The following CLN6 variants were observed in gnomAD, a reference collection of about 807,000 sequenced individuals.
CLN6 encodes the protein ceroid-lipofuscinosis neuronal protein 6.
CLN6 carries 22 observed loss-of-function variants against 33.3 expected under a neutral mutation model. The observed-to-expected ratio is 0.66, with a 90% CI of 0.47 to 0.94. CLN6 has a LOEUF of 0.94. Ranked by LOEUF, CLN6 falls within the 40% of genes least tolerant of loss-of-function variation. The pLI is 0.00. For synonymous variants in CLN6, 201 were observed against 174.6 expected (o/e 1.15, Z -1.19); for missense variants, 387 against 417.1 (o/e 0.93, Z 0.63).
chr15:68,208,889 A>C lies in CLN6; in HGVS notation c.666-479T>G, dbSNP rs554658149. Among the ~76,000 whole-genome samples, 1 of 152,340 alleles carries C rather than the reference A, an allele frequency of 6.6e-6. No individual in the cohort carries two copies. The highest frequency in any genetic ancestry group is 1.9e-4 in the East Asian group (1 of 5,172). The stretch of plus-strand genomic sequence containing the variant: ...CAGATGAGCCCCAGTGGGCCATCTC[A>C]GCCACATAGGGGACAGGCCGGGGAG... On this transcript the variant is annotated intron_variant, in intron 6 of 6. Coordinates refer to ENST00000249806, the MANE Select transcript of CLN6 (RefSeq NM_017882.3). This position sits in a 1 kb window ranked among gnomAD's most constrained non-coding sequence, Gnocchi z 5.8.
Position 68,209,838 on chromosome 15 carries a change from G to T in CLN6, c.543-79C>A, listed in dbSNP as rs1389540787. On this transcript the variant is annotated intron_variant, in intron 5 of 6. Coordinates refer to ENST00000249806, the MANE Select transcript of CLN6 (RefSeq NM_017882.3). This position sits in a 1 kb window ranked among gnomAD's most constrained non-coding sequence, Gnocchi z 4.9. Reference sequence around the variant, plus strand: ...CAACCTCTGCAACCACTCCCATGGGGTCTCATGGAGTGCCACGTCACAGTT... The same window carrying T: ...CAACCTCTGCAACCACTCCCATGGGTTCTCATGGAGTGCCACGTCACAGTT... The T allele has an allele frequency of 1.3e-6, 2 of 1,570,132 alleles. No homozygotes were observed. Among genetic ancestry groups the T allele is most frequent in the African/African-American group, 1.3e-5 (1 of 74,102 alleles).
intron 1 of CLN6, among the ~76,000 whole-genome samples, chr15:68,245,641 C>T (rs1325218010): frequency 6.6e-6 from 1 of 152,008 alleles, no homozygotes; most frequent in Non-Finnish European, 1.5e-5. Flanking sequence ...CCTTACTTAT[C>T]AATAATACAC....
upstream of CLN6, among the ~76,000 whole-genome samples, chr15:68,234,202 G>A (rs1892193421): frequency 6.6e-6 from 1 of 152,216 alleles, no homozygotes; most frequent in South Asian, 2.1e-4. The surrounding 1 kb of genome is among the most constrained non-coding windows in gnomAD (Gnocchi z 4.1). Flanking sequence ...TCTCCCTGCA[G>A]ACTGGCTTTC....
Position 68,246,472 on chromosome 15 carries a change from G to A in CLN6, c.179+10218C>T, listed in dbSNP as rs1446484389. ...AACAACTTACTCCTGAACAACCAAT[G>A]GGTCAATGAAGAAATTAAAAAGAAA... On this transcript the variant is annotated intron_variant, in intron 1 of 6. Coordinates refer to the CLN6 transcript ENST00000538696. The surrounding 1 kb of genome is among the most constrained non-coding windows in gnomAD (Gnocchi z 4.5). Among the ~76,000 whole-genome samples, 2 of 151,814 alleles carry A rather than the reference G, an allele frequency of 1.3e-5. No individual in the cohort carries two copies. Among genetic ancestry groups the A allele is most frequent in the African/African-American group, 4.8e-5 (2 of 41,270 alleles).
chr15:68,245,902 G>T (rs1418267397), intron 1 of CLN6, among the ~76,000 whole-genome samples: 2 of 151,990 alleles, frequency 1.3e-5, no homozygotes, highest in African/African-American at 2.4e-5. Flanking sequence ...AACCAAAAAA[G>T]AACAAGATTA....
Position 68,209,617 on chromosome 15 carries a change from C to T in CLN6, c.665+20G>A. 6.2e-7 allele frequency: 1 copy of T among 1,611,526 alleles called. No homozygotes were observed. Among genetic ancestry groups the T allele is most frequent in the South Asian group, 1.1e-5 (1 of 90,968 alleles). ...TCTCTCAGTGCCCCTGCCTCTGCCCCCATGCTGATGTCCACTCACCAGTAG... is the reference window on the plus strand; with the variant it reads ...TCTCTCAGTGCCCCTGCCTCTGCCCTCATGCTGATGTCCACTCACCAGTAG... On this transcript the variant is annotated intron_variant, in intron 6 of 6. Coordinates refer to ENST00000249806, the MANE Select transcript of CLN6 (RefSeq NM_017882.3). This position sits in a 1 kb window ranked among gnomAD's most constrained non-coding sequence, Gnocchi z 4.9.
chr15:68,227,036 CT>C lies in CLN6; in HGVS notation c.83+2465del, dbSNP rs922791164. Among the ~76,000 whole-genome samples, 1 of 150,332 alleles carries C rather than the reference CT, an allele frequency of 6.7e-6. No individual in the cohort carries two copies. Among genetic ancestry groups the C allele is most frequent in the South Asian group, 2.1e-4 (1 of 4,788 alleles). On this transcript the variant is annotated intron_variant, in intron 1 of 6. Transcript: ENST00000249806. This position sits in a 1 kb window ranked among gnomAD's most constrained non-coding sequence, Gnocchi z 4.1. Reference sequence around the variant, plus strand: ...TAATTATAATACTTTCTTTTCTTTTCTTTTTTTACTTTTTTTTTTTTTTGAG... The same window carrying C: ...TAATTATAATACTTTCTTTTCTTTTCTTTTTTACTTTTTTTTTTTTTTGAG...
chr15:68,224,961 T>G (rs2093247920), intron 1 of CLN6, among the ~76,000 whole-genome samples: 1 of 148,776 alleles, frequency 6.7e-6, no homozygotes, highest in Non-Finnish European at 1.5e-5. Flanking sequence ...AGTTGAGGAG[T>G]GCATGCCATA....
At chr15:68,235,781 C>G (rs1344351601) in intron 1 of CLN6, among the ~76,000 whole-genome samples, 3 of 152,046 alleles carry the variant, frequency 2.0e-5, no homozygotes, top group Non-Finnish European at 2.9e-5. Context: ...TACTCTCCTG[C>G]TTAGGTCCTT....
chr15:68,220,495 C>G lies in CLN6; in HGVS notation c.84-1845G>C, dbSNP rs1480282480. Reference sequence around the variant, plus strand: ...TGGCCCAGTGGGACTTTTCCAACTGCAGGTGAGGAAAAGAGCTCCTTCCTT... The same window carrying G: ...TGGCCCAGTGGGACTTTTCCAACTGGAGGTGAGGAAAAGAGCTCCTTCCTT... On this transcript the variant is annotated intron_variant, in intron 1 of 6. Transcript: ENST00000249806. The surrounding 1 kb of genome is among the most constrained non-coding windows in gnomAD (Gnocchi z 4.2). Among the ~76,000 whole-genome samples, 3 of 152,204 alleles carry G rather than the reference C, an allele frequency of 2.0e-5. No individual in the cohort carries two copies. Among genetic ancestry groups the G allele is most frequent in the Non-Finnish European group, 4.4e-5 (3 of 68,028 alleles).
intron 3 of CLN6, chr15:68,212,069 C>T (rs2093207545): frequency 1.7e-6 from 1 of 598,434 alleles, no homozygotes; most frequent in South Asian, 2.0e-5. Context: ...TGGAGCAGCA[C>T]CCCCCGCTGA....
Position 68,256,843 on chromosome 15 carries a change from C to A in CLN6, c.26G>T (p.Arg9Leu). 1.4e-6 allele frequency: 1 copy of A among 697,334 alleles called. No individual in the cohort carries two copies. The highest frequency in any genetic ancestry group is 2.6e-6 in the Non-Finnish European group (1 of 382,250). 43.2% of individuals were successfully genotyped at this position (697,334 alleles called of 1,614,324 possible). Reference sequence around the variant, plus strand: ...TGGCCGGGGCCTGCCTCTCGCTCGCCGCTCCTTCCCGGCAACGGCTGCCAT... The same window carrying A: ...TGGCCGGGGCCTGCCTCTCGCTCGCAGCTCCTTCCCGGCAACGGCTGCCAT... Residue 9 changes from arginine to leucine, a missense_variant, in exon 1 of 7, where the codon CGG (arginine) becomes CTG (leucine). Physicochemically the swap from Arg to Leu is moderately radical, Grantham distance 102. Coordinates refer to the CLN6 transcript ENST00000538696. The surrounding 1 kb of genome is among the most constrained non-coding windows in gnomAD (Gnocchi z 4.1).
chr15:68,255,682 A>C (rs1892427284), intron 1 of CLN6, among the ~76,000 whole-genome samples: 1 of 152,212 alleles, frequency 6.6e-6, no homozygotes, highest in Non-Finnish European at 1.5e-5. Flanking sequence ...GTTTATGGAG[A>C]GTATCTTTAA....
chr15:68,233,238 T>C (rs1342101198), upstream of CLN6, among the ~76,000 whole-genome samples: 1 of 151,142 alleles, frequency 6.6e-6, no homozygotes, highest in Non-Finnish European at 1.5e-5. The surrounding 1 kb of genome is among the most constrained non-coding windows in gnomAD (Gnocchi z 4.3). Context: ...CCTGCTCTGC[T>C]TCTTTGGAAA....
intron 1 of CLN6, among the ~76,000 whole-genome samples, 194 bp downstream of exon 1, chr15:68,229,308 C>A (rs2093261209): frequency 1.3e-5 from 2 of 152,066 alleles, no homozygotes; most frequent in Admixed American, 6.5e-5. Flanking sequence ...GCCCCAGGCT[C>A]CCCAGACAGA....
At chr15:68,232,728 G>A (rs940323746), upstream of CLN6, among the ~76,000 whole-genome samples, 3 of 152,116 alleles carry the variant, frequency 2.0e-5, no homozygotes, top group African/African-American at 7.2e-5. This position sits in a 1 kb window ranked among gnomAD's most constrained non-coding sequence, Gnocchi z 4.7. Context: ...CCTGAGTTCC[G>A]AGTTCACACA....
intron 1 of CLN6, among the ~76,000 whole-genome samples, chr15:68,249,574 G>A (rs867421645): frequency 8.1e-4 from 123 of 152,288 alleles, no homozygotes; most frequent in African/African-American, 2.9e-3. Context: ...AGCACAGAAA[G>A]ACAAATATAT....
chr15:68,254,956 A>G, intron 1 of CLN6: 1 of 912,160 alleles, frequency 1.1e-6, no homozygotes, highest in Non-Finnish European at 1.8e-6. Context: ...ACAGTTTGAA[A>G]TGCTATTTTT....
At chr15:68,253,684 A>C (rs1036471364) in intron 1 of CLN6, among the ~76,000 whole-genome samples, 3 of 152,254 alleles carry the variant, frequency 2.0e-5, no homozygotes, top group Non-Finnish European at 2.9e-5. Flanking sequence ...TCTGGTGCCA[A>C]ATAGCTTGTT....
Sources: gnomAD v4.1 joint callset for allele counts (sites outside exome capture counted in the v4.1 genomes callset) on GRCh38, gnomAD v4.1.1 for gene constraint, Gnocchi (gnomAD v3.1) non-coding constraint, MANE v1.5 for transcripts, NCBI Gene and HGNC (gene_info 2026-07-23, HGNC 2026-07-21) for gene names.